FKBP9: variants seen among roughly 807,000 people sequenced by gnomAD.
FKBP9 encodes the protein FKBP prolyl isomerase 9.
A neutral mutation model predicts 55.6 loss-of-function variants in FKBP9; 27 were observed. That is an observed-to-expected ratio of 0.49 (90% confidence interval 0.36 to 0.67). The LOEUF is 0.67. Ranked by LOEUF, FKBP9 falls within the 30% of genes least tolerant of loss-of-function variation. FKBP9 has a pLI of 0.00. For missense variants in FKBP9, 539 were observed against 742.8 expected (o/e 0.73, Z 3.19); for synonymous variants, 267 against 296.5 (o/e 0.90, Z 1.02).
intron 4 of FKBP9, among the ~76,000 whole-genome samples, chr7:32,979,155 G>A (rs1472922194): frequency 6.6e-6 from 1 of 152,068 alleles, no homozygotes; most frequent in Non-Finnish European, 1.5e-5. Flanking sequence ...TGTAATCCCA[G>A]CTACTCGGGA....
intron 1 of FKBP9, among the ~76,000 whole-genome samples, chr7:32,962,682 C>G (rs568867957): frequency 8.6e-5 from 13 of 151,992 alleles, no homozygotes; most frequent in Admixed American, 7.2e-4. Flanking sequence ...CCACCTTGGC[C>G]AGGCTGGAAT....
At chr7:32,994,222 G>A (rs1328104153) in intron 6 of FKBP9, among the ~76,000 whole-genome samples, 3 of 152,062 alleles carry the variant, frequency 2.0e-5, no homozygotes, top group African/African-American at 7.2e-5. Flanking sequence ...ATAACCATTA[G>A]CGGTCACTCT....
Position 33,006,253 on chromosome 7 carries a change from G to A in FKBP9, c.*902G>A. 5.2e-6 allele frequency: 1 copy of A among 191,746 alleles called. No homozygotes were observed. Among genetic ancestry groups the A allele is most frequent in the Non-Finnish European group, 1.1e-5 (1 of 91,666 alleles). The allele number at this position is 191,746 out of a possible 1,614,324, so 11.9% of individuals were successfully genotyped here. On this transcript the variant is annotated 3_prime_UTR_variant, in exon 10 of 10. Coordinates refer to ENST00000242209, the MANE Select transcript of FKBP9 (RefSeq NM_007270.5). ...CTGTCTCAGCCTCCTGAGTAGCTGG[G>A]ACTACAGGTGTGCACCACCACGCCC...
chr7:32,965,863 A>ATATG (rs1336163431), intron 1 of FKBP9, among the ~76,000 whole-genome samples: 1 of 45,618 alleles, frequency 2.2e-5, no homozygotes, highest in African/African-American at 1.2e-4. Context: ...AGATATATAT[A>ATATG]TATACATACA....
At position 33,002,599 on chromosome 7, in the gene FKBP9, T is replaced by C. The variant is rs1035163044; in HGVS notation, c.1373-77T>C. 25 of 1,571,176 alleles carry C rather than the reference T, an allele frequency of 1.6e-5. No individual in the cohort carries two copies. In the African/African-American group the frequency reaches 3.0e-4, roughly 19 times the overall value. ...CCACTCTGAGTGAGGCTGCTGGAGG[T>C]TGGGGTGGGTGCTGGTTGTTGGGCT... On this transcript the variant is annotated intron_variant, in intron 8 of 9. Transcript: ENST00000242209.
chr7:33,003,334 G>A (rs1784967580), intron 9 of FKBP9, among the ~76,000 whole-genome samples: 1 of 152,146 alleles, frequency 6.6e-6, no homozygotes, highest in South Asian at 2.1e-4. Context: ...TTCCACATCT[G>A]CTATTGAAGC....
chr7:32,958,795 C>G lies in FKBP9; in HGVS notation c.221+1001C>G, dbSNP rs76425211. ...CCTCAGGATCACAGCACTGCTCTCCCGTTTCCCTCCAGTTTAGGTTCGGGG... is the reference window on the plus strand; with the variant it reads ...CCTCAGGATCACAGCACTGCTCTCCGGTTTCCCTCCAGTTTAGGTTCGGGG... On this transcript the variant is annotated intron_variant, in intron 1 of 9. Coordinates refer to ENST00000242209, the MANE Select transcript of FKBP9 (RefSeq NM_007270.5). Among the ~76,000 whole-genome samples the G allele has an allele frequency of 3.6e-3, 542 of 152,314 alleles. 3 individuals are homozygous for G. Among genetic ancestry groups the G allele is most frequent in the African/African-American group, 0.013 (524 of 41,556 alleles).
intron 1 of FKBP9, among the ~76,000 whole-genome samples, chr7:32,959,196 G>A (rs1427131140): frequency 6.6e-6 from 1 of 152,118 alleles, no homozygotes; most frequent in African/African-American, 2.4e-5. Context: ...ACGAGGTCAG[G>A]AGATCGAGAC....
rs925725137 is a variant in FKBP9 at position 32,978,719 on chromosome 7, G to A, written c.704-1645G>A. 4.6e-5 allele frequency among the ~76,000 whole-genome samples: 7 copies of A among 152,100 alleles called. No homozygotes were observed. In the East Asian group the frequency reaches 5.8e-4, roughly 13 times the overall value. On this transcript the variant is annotated intron_variant, in intron 4 of 9. Coordinates refer to ENST00000242209, the MANE Select transcript of FKBP9 (RefSeq NM_007270.5). ...CCTTGGCCCCAAGAAGTTCATTCAC[G>A]TTGGCTCCCAGATCCTTTTGTCATC...
At position 32,975,165 on chromosome 7, in the gene FKBP9, T is replaced by A. The variant is rs1256149732; in HGVS notation, c.368-17T>A. 6.2e-7 allele frequency: 1 copy of A among 1,606,910 alleles called. No homozygotes were observed. Among genetic ancestry groups the A allele is most frequent in the Non-Finnish European group, 8.5e-7 (1 of 1,173,656 alleles). On this transcript the variant is annotated splice_polypyrimidine_tract_variant and intron_variant, in intron 2 of 9. Coordinates refer to ENST00000242209, the MANE Select transcript of FKBP9 (RefSeq NM_007270.5). ...AGGCAGCAACTGTGAACTCAGTGTG[T>A]AATCTTTAATTTCTAGCTGGTGTGA... is the stretch of plus-strand genomic sequence containing the variant.
rs1261420473 is a variant in FKBP9, at chr7:32,979,682, C to T, written c.704-682C>T. 3 of 863,452 alleles carry T rather than the reference C, an allele frequency of 3.5e-6. No individual in the cohort carries two copies. The Admixed American group carries it at 6.0e-5, about 17-fold the overall frequency. The allele number at this position is 863,452 out of a possible 1,614,324, so 53.5% of individuals were successfully genotyped here. On this transcript the variant is annotated intron_variant, in intron 4 of 9. Transcript: ENST00000242209. ...TTGATGTTGATCTTTGCAGGAAGAA[C>T]TAGTGTCCTGTAATCTCTTCATGTG... is the stretch of plus-strand genomic sequence containing the variant.
At chr7:32,993,228 C>G (rs1272274446) in intron 6 of FKBP9, among the ~76,000 whole-genome samples, 1 of 152,184 alleles carries the variant, frequency 6.6e-6, no homozygotes, top group Non-Finnish European at 1.5e-5. Flanking sequence ...TACTTAACAT[C>G]TTTACCTTGT....
chr7:32,991,473 G>A (rs889686064), intron 6 of FKBP9, among the ~76,000 whole-genome samples: 11 of 152,240 alleles, frequency 7.2e-5, no homozygotes, highest in African/African-American at 1.2e-4. Context: ...GGGCTGACCC[G>A]AGAGGGGTCA....
chr7:33,003,957 T>C (rs2392192), intron 9 of FKBP9, among the ~76,000 whole-genome samples: 85,604 of 150,922 alleles, frequency 0.57, 25,474 homozygotes, highest in African/African-American at 0.73. Flanking sequence ...TCCTCATTTA[T>C]GGAACCCCTG....
intron 6 of FKBP9, among the ~76,000 whole-genome samples, chr7:32,994,135 T>C (rs1454937418): frequency 1.3e-5 from 2 of 152,228 alleles, no homozygotes. Context: ...TTAGTTGTTT[T>C]TAGTATATTA....
chr7:32,963,690 A>T, intron 1 of FKBP9: 1 of 1,400,716 alleles, frequency 7.1e-7, no homozygotes, highest in Non-Finnish European at 9.3e-7. Context: ...AGGGTCCAGA[A>T]TCATGGACTG....
At chr7:32,961,833 ATCTGTCACTG>A (rs1366176887) in intron 1 of FKBP9, among the ~76,000 whole-genome samples, 2 of 149,884 alleles carry the variant, frequency 1.3e-5, no homozygotes, top group Non-Finnish European at 3.0e-5. Context: ...ATGCGTGATG[ATCTGTCACTG>A]TCTCCCATCA....
chr7:32,994,688 A>C (rs1784749939), intron 6 of FKBP9, among the ~76,000 whole-genome samples: 1 of 151,708 alleles, frequency 6.6e-6, no homozygotes, highest in Non-Finnish European at 1.5e-5. Context: ...GGCCAGCCCC[A>C]AAATTTGTAC....
intron 3 of FKBP9, among the ~76,000 whole-genome samples, chr7:32,975,750 G>A (rs1024392752): frequency 3.3e-5 from 5 of 151,680 alleles, no homozygotes; most frequent in Admixed American, 2.6e-4. Flanking sequence ...GGGTTCAAGC[G>A]GTTCTCCTGT....
Sources: gnomAD v4.1 joint callset for allele counts (sites outside exome capture counted in the v4.1 genomes callset) on GRCh38, gnomAD v4.1.1 for gene constraint, MANE v1.5 for transcripts, NCBI Gene and HGNC (gene_info 2026-07-23, HGNC 2026-07-21) for gene names.